The following TBXAS1 variants were observed in gnomAD, a reference collection of about 807,000 sequenced individuals.
The protein encoded by TBXAS1 is thromboxane-A synthase.
In TBXAS1, 48 loss-of-function variants were observed where a neutral mutation model predicts 60.7. The ratio of observed to expected loss-of-function variants is 0.79; its 90% CI spans 0.63 to 1.01. TBXAS1 has a LOEUF of 1.01. Among genes scored for constraint, TBXAS1 ranks in the 50% least tolerant of loss-of-function variants. The probability of loss-of-function intolerance (pLI) is 0.00; values close to 1 mark genes in which losing one functional copy is unlikely to be tolerated. For missense variants in TBXAS1, 685 were observed against 686.3 expected (o/e 1.00, Z 0.02); for synonymous variants, 287 against 269.7 (o/e 1.06, Z -0.63).
intron 1 of TBXAS1, among the ~76,000 whole-genome samples, chr7:139,846,093 G>T (rs1371203535): frequency 1.3e-5 from 2 of 152,122 alleles, no homozygotes; most frequent in Non-Finnish European, 2.9e-5. Context: ...AGGCTAGGCT[G>T]GGCTGTGGGT....
At chr7:139,897,156 C>T (rs978672630) in intron 3 of TBXAS1, among the ~76,000 whole-genome samples, 21 of 152,082 alleles carry the variant, frequency 1.4e-4, no homozygotes, top group African/African-American at 3.6e-4. Flanking sequence ...CACTCACAAA[C>T]GAGCAGAAAG....
At chr7:139,984,831 AAG>A (rs1812298748) in intron 9 of TBXAS1, among the ~76,000 whole-genome samples, 2 of 150,432 alleles carry the variant, frequency 1.3e-5, no homozygotes, top group Admixed American at 6.6e-5. Flanking sequence ...AGAAGAAAGA[AAG>A]AGGAAGGAAG....
At chr7:139,900,997 T>C (rs1380545531) in intron 3 of TBXAS1, among the ~76,000 whole-genome samples, 2 of 152,186 alleles carry the variant, frequency 1.3e-5, no homozygotes, top group African/African-American at 4.8e-5. Context: ...GGCAGGGTTC[T>C]ATCACTGAGA....
At chr7:139,934,132 TC>T (rs1350181714) in intron 4 of TBXAS1, among the ~76,000 whole-genome samples, 15 of 152,182 alleles carry the variant, frequency 9.9e-5, no homozygotes, top group Non-Finnish European at 1.9e-4. Context: ...ATGAGCTTAC[TC>T]TCTGCTTCCC....
At chr7:139,988,739 G>A (rs931430068) in intron 9 of TBXAS1, among the ~76,000 whole-genome samples, 6 of 152,116 alleles carry the variant, frequency 3.9e-5, no homozygotes, top group African/African-American at 1.2e-4. Flanking sequence ...TTACAAAGTA[G>A]TCTGCCCCAG....
chr7:139,913,023 A>T (rs1462671565), intron 4 of TBXAS1: 1 of 682,004 alleles, frequency 1.5e-6, no homozygotes, highest in Admixed American at 2.0e-5. Context: ...GGTTGAGTGG[A>T]GTAATTGGCC....
chr7:139,869,347 A>C (rs113783180), intron 1 of TBXAS1, among the ~76,000 whole-genome samples: 1 of 152,066 alleles, frequency 6.6e-6, no homozygotes, highest in Non-Finnish European at 1.5e-5. Flanking sequence ...TAAGGACACC[A>C]GTCATATTGG....
chr7:139,860,442 C>T (rs1021886388), intron 1 of TBXAS1, among the ~76,000 whole-genome samples: 12 of 152,206 alleles, frequency 7.9e-5, no homozygotes, highest in South Asian at 2.1e-4. Flanking sequence ...CCTAAAATGT[C>T]GATGTCCTAG....
intron 4 of TBXAS1, among the ~76,000 whole-genome samples, chr7:139,915,809 G>C (rs1388043441): frequency 6.6e-6 from 1 of 152,226 alleles, no homozygotes. Flanking sequence ...ACACTGGCTG[G>C]AGCAGACTGT....
At chr7:139,969,175 G>A (rs752612917) in intron 9 of TBXAS1, among the ~76,000 whole-genome samples, 37 of 152,176 alleles carry the variant, frequency 2.4e-4, no homozygotes, top group Non-Finnish European at 1.6e-4. Context: ...TCACAGACTG[G>A]ATTGGATTGA....
chr7:139,815,337 T>C (rs1264805919), intron 4 of TBXAS1, among the ~76,000 whole-genome samples: 1 of 152,114 alleles, frequency 6.6e-6, no homozygotes, highest in African/African-American at 2.4e-5. Flanking sequence ...TCTTAGCAAT[T>C]TTCCAAGTTT....
At chr7:139,828,009 G>A (rs1798493686), upstream of TBXAS1, among the ~76,000 whole-genome samples, 1 of 152,138 alleles carries the variant, frequency 6.6e-6, no homozygotes, top group Admixed American at 6.5e-5. Context: ...TGTACTTCTT[G>A]TATTTGGATG....
At position 139,932,154 on chromosome 7, in the gene TBXAS1, G is replaced by A. The variant is rs371580272; in HGVS notation, c.334-4037G>A. Among the ~76,000 whole-genome samples the A allele has an allele frequency of 6.4e-4, 87 of 135,694 alleles. No homozygotes were observed. The Middle Eastern group carries it at 0.025, about 39-fold the overall frequency. The allele number at this position is 135,694 out of a possible 152,430, so 89.0% of individuals were successfully genotyped here. A position where few individuals can be genotyped will look rare whatever the true frequency, so the allele number is the denominator to read the frequency against. On this transcript the variant is annotated intron_variant, in intron 4 of 12. Transcript: ENST00000448866. ...TGCACTCCAGCCTGGGCAACAGAGC[G>A]AGACTCCATCTCAAAAAAAAAAAAA...
intron 3 of TBXAS1, among the ~76,000 whole-genome samples, chr7:139,897,737 G>C (rs1014152903): frequency 1.3e-5 from 2 of 152,222 alleles, no homozygotes; most frequent in Non-Finnish European, 2.9e-5. Flanking sequence ...GCAGGGCTCT[G>C]TGAATTCAGG....
At chr7:139,826,787 GTTA>G (rs1798448220), upstream of TBXAS1, among the ~76,000 whole-genome samples, 1 of 152,146 alleles carries the variant, frequency 6.6e-6, no homozygotes, top group Admixed American at 6.5e-5. Flanking sequence ...ATGATCAATT[GTTA>G]TTATTCATAT....
chr7:139,900,442 C>G (rs931919848), intron 3 of TBXAS1, among the ~76,000 whole-genome samples: 3 of 152,190 alleles, frequency 2.0e-5, no homozygotes, highest in Non-Finnish European at 4.4e-5. Context: ...CACTGCCTCA[C>G]ATTCACACCT....
chr7:139,935,003 G>A (rs1807633250), intron 4 of TBXAS1, among the ~76,000 whole-genome samples: 1 of 152,034 alleles, frequency 6.6e-6, no homozygotes, highest in Non-Finnish European at 1.5e-5. Flanking sequence ...TAGTAGAGAG[G>A]GCATTTCGCC....
chr7:139,870,463 G>C (rs1032278338), intron 1 of TBXAS1, among the ~76,000 whole-genome samples: 1 of 152,214 alleles, frequency 6.6e-6, no homozygotes, highest in Non-Finnish European at 1.5e-5. Context: ...AAGTGGGCTG[G>C]TAAGTTTCCT....
upstream of TBXAS1, among the ~76,000 whole-genome samples, chr7:139,827,022 C>T (rs1798454173): frequency 6.6e-6 from 1 of 152,132 alleles, no homozygotes; most frequent in South Asian, 2.1e-4. Context: ...ATATGCACCC[C>T]ACCAGGAACT....
Sources: allele counts gnomAD v4.1 joint callset (sites outside exome capture counted in the v4.1 genomes callset), GRCh38; gene constraint gnomAD v4.1.1; transcripts MANE v1.5; gene names NCBI Gene and HGNC (gene_info 2026-07-23, HGNC 2026-07-21).